Variants in GALNT13 observed in about 807,000 individuals in gnomAD.
GALNT13 encodes UDP-GalNAc:polypeptide N-acetylgalactosaminyltransferase 13.
Under a neutral mutation model 64.2 loss-of-function variants are expected in GALNT13, and 28 were observed. That is an observed-to-expected ratio of 0.44 (90% CI 0.32 to 0.60). The LOEUF (loss-of-function observed/expected upper bound fraction) is 0.60. GALNT13 is among the 20% of genes least tolerant of loss of function. GALNT13 has a pLI of 0.05. For synonymous variants in GALNT13, 214 were observed against 224.6 expected, an observed-to-expected ratio of 0.95 and a Z score of 0.42; for missense variants, 577 against 669.8, an observed-to-expected ratio of 0.86 and a Z score of 1.53.
At chr2:153,716,905 C>A in the GALNT13 span, among the ~76,000 whole-genome samples, 1 of 152,072 alleles carries the variant, frequency 6.6e-6, no homozygotes, top group Non-Finnish European at 1.5e-5. Context: ...TTTTCATGTT[C>A]TTCTTAAAGA....
chr2:153,810,632 A>C, the GALNT13 span, among the ~76,000 whole-genome samples: 1 of 152,216 alleles, frequency 6.6e-6, no homozygotes, highest in East Asian at 1.9e-4. Flanking sequence ...AGCTCTAAAC[A>C]ATAGTAGCAA....
chr2:154,132,341 C>CTT (rs35592184), intron 3 of GALNT13, among the ~76,000 whole-genome samples: 139,807 of 152,180 alleles, frequency 0.92, 64,570 homozygotes, highest in African/African-American at 0.98. Context: ...CTTCATTTAA[C>CTT]TTGTTTTTCC....
chr2:153,859,880 G>C, the GALNT13 span, among the ~76,000 whole-genome samples: 3 of 152,158 alleles, frequency 2.0e-5, no homozygotes, highest in African/African-American at 4.8e-5. Flanking sequence ...AGAATAATTG[G>C]CTGAGAATGC....
At chr2:153,652,903 C>CTT in the GALNT13 span, among the ~76,000 whole-genome samples, 1 of 151,900 alleles carries the variant, frequency 6.6e-6, no homozygotes, top group African/African-American at 2.4e-5. Context: ...ATGTTCCCTT[C>CTT]TTTTCTTCCT....
chr2:154,159,498 G>A (rs1573776428), intron 4 of GALNT13, among the ~76,000 whole-genome samples: 1 of 152,026 alleles, frequency 6.6e-6, no homozygotes, highest in Non-Finnish European at 1.5e-5. Flanking sequence ...ATATTTGTTG[G>A]GTGAATTTAT....
the GALNT13 span, among the ~76,000 whole-genome samples, chr2:153,362,578 AG>A: frequency 7.1e-6 from 1 of 140,464 alleles, no homozygotes; most frequent in East Asian, 2.0e-4. Context: ...AAAAAAAGGC[AG>A]GGGTTGCAAT....
chr2:154,193,663 T>TAATAACTCATGTAATTTACCTCCTC (rs1686719731), intron 4 of GALNT13, among the ~76,000 whole-genome samples: 1 of 152,176 alleles, frequency 6.6e-6, no homozygotes, highest in African/African-American at 2.4e-5. Context: ...ACCATAGCAA[T>TAATAACTCATGTAATTTACCTCCTC]AATAACTCAT....
chr2:153,503,935 T>A, the GALNT13 span, among the ~76,000 whole-genome samples: 1 of 152,212 alleles, frequency 6.6e-6, no homozygotes, highest in Admixed American at 6.5e-5. Flanking sequence ...TGGTGGTATA[T>A]TGATGGGAAT....
the GALNT13 span, among the ~76,000 whole-genome samples, chr2:153,779,598 A>T: frequency 6.6e-6 from 1 of 152,210 alleles, no homozygotes; most frequent in Non-Finnish European, 1.5e-5. Context: ...TATTCTTATA[A>T]GCAGGAATTT....
At position 154,379,011 on chromosome 2, in the gene GALNT13, C is replaced by T. The variant is rs761425637; in HGVS notation, c.1157-16980C>T. ...CTCAAGGAAATTTCCTGTTACAGTACGTAAAATGAAACCATAATAACGGCA... is the reference window on the plus strand; with the variant it reads ...CTCAAGGAAATTTCCTGTTACAGTATGTAAAATGAAACCATAATAACGGCA... On this transcript the variant is annotated intron_variant, in intron 9 of 12. Coordinates refer to ENST00000392825, the MANE Select transcript of GALNT13 (RefSeq NM_052917.4). 1.1e-4 allele frequency among the ~76,000 whole-genome samples: 17 copies of T among 151,852 alleles called. No homozygotes were observed. The Middle Eastern group carries it at 0.014, about 122-fold the overall frequency.
At chr2:153,628,742 G>T in the GALNT13 span, among the ~76,000 whole-genome samples, 2 of 152,082 alleles carry the variant, frequency 1.3e-5, no homozygotes, top group South Asian at 2.1e-4. Context: ...GCTGGATTTC[G>T]TTTGCCAGTA....
chr2:154,415,148 A>G (rs1417580769), intron 11 of GALNT13, among the ~76,000 whole-genome samples: 1 of 151,568 alleles, frequency 6.6e-6, no homozygotes, highest in African/African-American at 2.4e-5. Flanking sequence ...AAAAAAAAAA[A>G]CTCTAATACA....
intron 11 of GALNT13, among the ~76,000 whole-genome samples, chr2:154,414,808 T>C (rs116418525): frequency 0.011 from 1,606 of 152,072 alleles, 26 homozygotes; most frequent in African/African-American, 0.036. Context: ...ATATACAGAC[T>C]TTTCAAGTTT....
At chr2:153,392,964 G>A in the GALNT13 span, among the ~76,000 whole-genome samples, 2 of 152,024 alleles carry the variant, frequency 1.3e-5, no homozygotes. Flanking sequence ...GGCAACATCT[G>A]TAAAAAAAGA....
the GALNT13 span, chr2:153,478,848 C>T: frequency 4.6e-5 from 18 of 389,712 alleles, no homozygotes; most frequent in Non-Finnish European, 8.0e-5. Flanking sequence ...GCTGGACCAG[C>T]CCGGCCGTGG....
chr2:154,449,344 G>A (rs1048350255), intron 12 of GALNT13, among the ~76,000 whole-genome samples: 27 of 145,212 alleles, frequency 1.9e-4, no homozygotes, highest in African/African-American at 5.1e-4. Flanking sequence ...AACTACAATC[G>A]TCTGGCTGCT....
intron 4 of GALNT13, among the ~76,000 whole-genome samples, chr2:154,146,513 G>A (rs1238741115): frequency 6.6e-6 from 1 of 151,994 alleles, no homozygotes. Context: ...GTAATGTTAA[G>A]TATAAAGGAC....
the GALNT13 span, among the ~76,000 whole-genome samples, chr2:153,724,147 G>A: frequency 3.6e-5 from 5 of 140,700 alleles, no homozygotes; most frequent in Non-Finnish European, 6.0e-5. Flanking sequence ...CAGAAATAAC[G>A]CCACATACCT....
the GALNT13 span, among the ~76,000 whole-genome samples, chr2:153,400,158 C>A: frequency 6.6e-6 from 1 of 151,704 alleles, no homozygotes; most frequent in Non-Finnish European, 1.5e-5. Flanking sequence ...TTGTCAAAGG[C>A]TTTTTCTGCA....
Sources: allele counts gnomAD v4.1 joint callset (sites outside exome capture counted in the v4.1 genomes callset), GRCh38; gene constraint gnomAD v4.1.1; transcripts MANE v1.5; gene names NCBI Gene and HGNC (gene_info 2026-07-23, HGNC 2026-07-21).